The following MCPH1 variants were observed in gnomAD, a reference collection of about 807,000 sequenced individuals.
The protein encoded by MCPH1 is microcephalin.
In MCPH1, 104 loss-of-function variants were observed where a neutral mutation model predicts 84.5. The observed-to-expected ratio is 1.23, with a 90% CI of 1.05 to 1.45. The LOEUF (loss-of-function observed/expected upper bound fraction) is 1.45. Among genes scored for constraint, MCPH1 ranks in the 40% most tolerant of loss-of-function variants. The probability of loss-of-function intolerance (pLI) is 0.00; values close to 1 mark genes in which losing one functional copy is unlikely to be tolerated. For missense variants in MCPH1, 1,498 were observed against 1,005.7 expected, an observed-to-expected ratio of 1.49 and a Z score of -6.62; for synonymous variants, 514 against 366.8, an observed-to-expected ratio of 1.40 and a Z score of -4.58.
At chr8:6,525,900 A>G (rs2515461) in intron 12 of MCPH1, among the ~76,000 whole-genome samples, 12,688 of 152,204 alleles carry the variant, frequency 0.083, 699 homozygotes, top group African/African-American at 0.15. Context: ...ATATTTGGGG[A>G]ACATAATTGA....
rs1010042491 is a variant in MCPH1 at position 6,645,654 on chromosome 8, G to A, written c.*2605G>A. ...CCTACAAGAACTTATAACAAGTTTA[G>A]CAAGATTGCAATATACAATCTTGCA... On this transcript the variant is annotated 3_prime_UTR_variant, in exon 14 of 14. Transcript: ENST00000344683. 1.5e-5 allele frequency: 2 copies of A among 132,190 alleles called. No individual in the cohort carries two copies. The allele number at this position is 132,190 out of a possible 1,614,324, so 8.2% of individuals were successfully genotyped here. A position where few individuals can be genotyped will look rare whatever the true frequency, so the allele number is the denominator to read the frequency against.
intron 3 of MCPH1, among the ~76,000 whole-genome samples, chr8:6,424,814 A>G (rs967747248): frequency 6.6e-6 from 1 of 152,216 alleles, no homozygotes; most frequent in Non-Finnish European, 1.5e-5. Context: ...TGTTGTGCAG[A>G]CTTCTCTGAG....
Position 6,445,339 on chromosome 8 carries a change from T to C in MCPH1, c.1617T>C (p.Asp539=), listed in dbSNP as rs1804166850. The change falls in exon 8 of 14, where the codon GAT becomes GAC. Residue 539 remains aspartate, a synonymous_variant. Coordinates refer to ENST00000344683, the MANE Select transcript of MCPH1 (RefSeq NM_024596.5). ...ACCCTGCTCTTCCAAAAGGACATGA[T>C]GATGATTTAACTCCTTTGGAAGGAA... is the stretch of plus-strand genomic sequence containing the variant. ...IEDPALPKGH[D]DDLTPLEGSL... is the part of the protein sequence containing the mutation. 2.5e-6 allele frequency: 4 copies of C among 1,614,250 alleles called. No homozygotes were observed. In the East Asian group the frequency reaches 6.7e-5, roughly 27 times the overall value.
At chr8:6,598,529 G>C (rs1829100792) in intron 12 of MCPH1, among the ~76,000 whole-genome samples, 1 of 152,216 alleles carries the variant, frequency 6.6e-6, no homozygotes, top group Non-Finnish European at 1.5e-5. Context: ...GAAGGAGTGG[G>C]CTGGGAGAGG....
intron 11 of MCPH1, among the ~76,000 whole-genome samples, chr8:6,488,299 C>T (rs1467925062): frequency 6.6e-6 from 1 of 152,200 alleles, no homozygotes; most frequent in African/African-American, 2.4e-5. Context: ...CCATAATCTG[C>T]TGATTGAGGA....
chr8:6,611,254 C>T (rs1057264376), intron 12 of MCPH1, among the ~76,000 whole-genome samples: 1 of 152,166 alleles, frequency 6.6e-6, no homozygotes, highest in Admixed American at 6.5e-5. Flanking sequence ...AATTGTGGCA[C>T]CGCCTGCCTG....
chr8:6,424,881 G>A (rs972902932), intron 3 of MCPH1, among the ~76,000 whole-genome samples: 4 of 152,188 alleles, frequency 2.6e-5, no homozygotes, highest in Non-Finnish European at 5.9e-5. Flanking sequence ...CGTGCTTCGC[G>A]GCTGGAATCT....
chr8:6,558,888 CTATACA>C (rs1825071207), intron 12 of MCPH1, among the ~76,000 whole-genome samples: 1 of 151,982 alleles, frequency 6.6e-6, no homozygotes, highest in Non-Finnish European at 1.5e-5. Flanking sequence ...ACATATCATA[CTATACA>C]TATACATATC....
chr8:6,490,848 T>G (rs1810482442), intron 11 of MCPH1, among the ~76,000 whole-genome samples: 1 of 152,006 alleles, frequency 6.6e-6, no homozygotes, highest in African/African-American at 2.4e-5. Flanking sequence ...TTTAGTTCTT[T>G]TTCTTGGGTT....
intron 11 of MCPH1, among the ~76,000 whole-genome samples, chr8:6,495,289 A>G (rs73520687): frequency 0.012 from 1,772 of 152,322 alleles, 48 homozygotes; most frequent in African/African-American, 0.04. Flanking sequence ...TTTTTAGTTA[A>G]TAATGATGCA....
At position 6,523,368 on chromosome 8, in the gene MCPH1, T is replaced by A. The variant is rs370229435; in HGVS notation, c.2214+23439T>A. ...TGTAAGTCCTAAGATACTTTATTAA[T>A]GGTTATATAGTTTGCCTTCCTAATT... On this transcript the variant is annotated intron_variant, in intron 12 of 13. Transcript: ENST00000344683. Among the ~76,000 whole-genome samples, 17 of 152,326 alleles carry A rather than the reference T, an allele frequency of 1.1e-4. No individual in the cohort carries two copies. In the Middle Eastern group the frequency reaches 0.01, roughly 91 times the overall value.
At chr8:6,410,873 T>A (rs1337903876) in intron 2 of MCPH1, among the ~76,000 whole-genome samples, 1 of 152,064 alleles carries the variant, frequency 6.6e-6, no homozygotes, top group Non-Finnish European at 1.5e-5. Flanking sequence ...GCGGATCACC[T>A]GAGGTCAGGA....
intron 9 of MCPH1, 175 bp from the exon 10 acceptor site, chr8:6,477,419 A>G (rs868224884): frequency 7.1e-6 from 4 of 564,508 alleles, no homozygotes; most frequent in Admixed American, 6.2e-5. Context: ...CTGAGTTTCT[A>G]TCTCTTGGCC....
chr8:6,542,452 C>A (rs1013056942), intron 12 of MCPH1, among the ~76,000 whole-genome samples: 16 of 152,170 alleles, frequency 1.1e-4, no homozygotes, highest in Middle Eastern at 3.4e-3. Context: ...GCTTTAGACC[C>A]TGTAATATTG....
chr8:6,547,488 A>G (rs1371395489), intron 12 of MCPH1, among the ~76,000 whole-genome samples: 1 of 152,118 alleles, frequency 6.6e-6, no homozygotes, highest in African/African-American at 2.4e-5. Flanking sequence ...GCATGCTTGA[A>G]TTTTTACTCA....
intron 9 of MCPH1, chr8:6,473,838 T>C: frequency 5.7e-6 from 8 of 1,393,642 alleles, no homozygotes; most frequent in African/African-American, 1.4e-5. Context: ...GCTAGCCTTA[T>C]AAGTCAAGAG....
chr8:6,417,494 C>G (rs1478228299), intron 3 of MCPH1, among the ~76,000 whole-genome samples: 1 of 152,104 alleles, frequency 6.6e-6, no homozygotes, highest in Non-Finnish European at 1.5e-5. Flanking sequence ...CCATAGTGCT[C>G]TCCTTCTTCT....
At chr8:6,457,215 C>T (rs936681513) in intron 9 of MCPH1, among the ~76,000 whole-genome samples, 5 of 152,088 alleles carry the variant, frequency 3.3e-5, no homozygotes, top group Admixed American at 2.0e-4. Flanking sequence ...GTAAACTTTG[C>T]CCTCATAATT....
At chr8:6,586,688 C>G (rs952752462) in intron 12 of MCPH1, among the ~76,000 whole-genome samples, 2 of 152,152 alleles carry the variant, frequency 1.3e-5, no homozygotes, top group Admixed American at 6.5e-5. Context: ...AGGGACAAAG[C>G]TGAAAAAGGA....
Sources: allele counts gnomAD v4.1 joint callset (sites outside exome capture counted in the v4.1 genomes callset), GRCh38; gene constraint gnomAD v4.1.1; transcripts MANE v1.5; gene names NCBI Gene and HGNC (gene_info 2026-07-23, HGNC 2026-07-21).